Variants in GRID1 observed in about 807,000 individuals in gnomAD.
GRID1 encodes glutamate receptor ionotropic, delta-1.
Under a neutral mutation model 98.0 loss-of-function variants are expected in GRID1, and 28 were observed. That is an observed-to-expected ratio of 0.29 (90% CI 0.21 to 0.39). The LOEUF is 0.39. Among genes scored for constraint, GRID1 ranks in the 10% least tolerant of loss-of-function variants. The pLI is 1.00. For missense variants in GRID1, 1,111 were observed against 1,340.5 expected (o/e 0.83, Z 2.67); for synonymous variants, 553 against 538.5 (o/e 1.03, Z -0.37).
At chr10:86,059,922 C>T (rs916840569) in intron 4 of GRID1, among the ~76,000 whole-genome samples, 1 of 152,050 alleles carries the variant, frequency 6.6e-6, no homozygotes, top group Admixed American at 6.5e-5. Flanking sequence ...ATTATGCAAA[C>T]GAGTATACGT....
At chr10:85,845,144 A>G (rs1842994502) in intron 8 of GRID1, among the ~76,000 whole-genome samples, 3 of 152,084 alleles carry the variant, frequency 2.0e-5, no homozygotes, top group Admixed American at 6.5e-5. Context: ...ATGCAAATAT[A>G]GAAGTTTTAT....
chr10:86,237,384 C>T (rs1053944516), intron 2 of GRID1, among the ~76,000 whole-genome samples: 6 of 152,122 alleles, frequency 3.9e-5, no homozygotes, highest in African/African-American at 7.2e-5. Context: ...AGTGAATTTT[C>T]GGAAGATCGG....
At chr10:86,139,203 C>T (rs1589384948) in intron 3 of GRID1, among the ~76,000 whole-genome samples, 179 bp from the exon 4 acceptor site, 1 of 152,320 alleles carries the variant, frequency 6.6e-6, no homozygotes, top group East Asian at 1.9e-4. Flanking sequence ...GACCCAGCAG[C>T]GTTCACCAGT....
intron 2 of GRID1, among the ~76,000 whole-genome samples, chr10:86,319,546 G>A (rs371650426): frequency 4.6e-5 from 7 of 151,454 alleles, no homozygotes; most frequent in African/African-American, 9.7e-5. Flanking sequence ...CCCAGGCCCC[G>A]GGAAAACTCC....
chr10:85,902,612 G>A (rs1048850465), intron 5 of GRID1, among the ~76,000 whole-genome samples: 2 of 152,218 alleles, frequency 1.3e-5, no homozygotes, highest in Non-Finnish European at 2.9e-5. Flanking sequence ...TGCTGGGAGT[G>A]AGAGGGAAGA....
chr10:86,141,797 A>G (rs1171251653), intron 3 of GRID1, among the ~76,000 whole-genome samples: 1 of 152,228 alleles, frequency 6.6e-6, no homozygotes, highest in African/African-American at 2.4e-5. Context: ...ATCATCACAG[A>G]AAGTCCTATT....
chr10:85,671,348 G>A (rs924955776), intron 12 of GRID1, among the ~76,000 whole-genome samples: 5 of 152,050 alleles, frequency 3.3e-5, no homozygotes, highest in African/African-American at 1.2e-4. Context: ...TCACATTTTG[G>A]TAATTCTCAC....
At chr10:86,274,343 G>A (rs924431136) in intron 2 of GRID1, among the ~76,000 whole-genome samples, 39 of 152,190 alleles carry the variant, frequency 2.6e-4, no homozygotes, top group Admixed American at 1.4e-3. Context: ...GTCAGATAGC[G>A]TGATGCCTCC....
intron 2 of GRID1, among the ~76,000 whole-genome samples, chr10:86,325,199 C>CTAA (rs1466100052): frequency 2.0e-5 from 3 of 152,108 alleles, no homozygotes; most frequent in African/African-American, 7.2e-5. Flanking sequence ...ATACGTTTAC[C>CTAA]TAACAATATT....
In GRID1 at chr10:85,912,032, G is replaced by A. The variant is rs114528935; in HGVS notation, c.780+4154C>T. 8.7e-3 allele frequency among the ~76,000 whole-genome samples: 1,324 copies of A among 152,306 alleles called. 20 individuals carry two copies. The highest frequency in any genetic ancestry group is 0.03 in the African/African-American group (1,230 of 41,570). On this transcript the variant is annotated intron_variant, in intron 5 of 15. Coordinates refer to ENST00000327946, the MANE Select transcript of GRID1 (RefSeq NM_017551.3). ...TTTTCTCTGAGGCAGACAGGGAAAT[G>A]CTTGTCAATGCAATTTGCTCTACAC...
At chr10:86,252,128 C>G (rs1846845521) in intron 2 of GRID1, among the ~76,000 whole-genome samples, 1 of 152,222 alleles carries the variant, frequency 6.6e-6, no homozygotes, top group African/African-American at 2.4e-5. Context: ...CCAGCTGACC[C>G]ACGGCCCTAG....
chr10:85,625,853 G>A (rs1665843706), intron 13 of GRID1, among the ~76,000 whole-genome samples: 1 of 152,224 alleles, frequency 6.6e-6, no homozygotes, highest in African/African-American at 2.4e-5. Flanking sequence ...CACACTGGCA[G>A]TAAAATGAGA....
At chr10:85,619,324 A>C (rs1912276) in intron 14 of GRID1, among the ~76,000 whole-genome samples, 24,285 of 152,206 alleles carry the variant, frequency 0.16, 2,215 homozygotes, top group African/African-American at 0.23. Context: ...GAGGCCCCAT[A>C]CAGCCACGTG....
rs77760732 is a variant in GRID1 at position 85,914,631 on chromosome 10, C to T, written c.780+1555G>A. Among the ~76,000 whole-genome samples, 427 of 152,226 alleles carry T rather than the reference C, an allele frequency of 2.8e-3. 4 individuals carry two copies. The highest frequency in any genetic ancestry group is 9.7e-3 in the African/African-American group (404 of 41,538). On this transcript the variant is annotated intron_variant, in intron 5 of 15. Transcript: ENST00000327946. The stretch of plus-strand genomic sequence containing the variant: ...ATGTGAATTCATGGAGGAAAATCTA[C>T]GAAAAGTGGACTTTGCAAGTAGTTA...
At chr10:85,699,219 A>AT (rs1465760043) in intron 12 of GRID1, among the ~76,000 whole-genome samples, 4 of 151,818 alleles carry the variant, frequency 2.6e-5, no homozygotes, top group Non-Finnish European at 5.9e-5. Context: ...CACCTGGCTA[A>AT]TTTTTGTATT....
intron 2 of GRID1, among the ~76,000 whole-genome samples, chr10:86,220,040 C>A (rs1294275852): frequency 2.0e-5 from 3 of 152,222 alleles, no homozygotes; most frequent in Admixed American, 2.0e-4. Flanking sequence ...AAGAACAAGT[C>A]ATGGCACCTG....
chr10:85,984,642 A>G (rs1407544371), intron 4 of GRID1, among the ~76,000 whole-genome samples: 1 of 152,204 alleles, frequency 6.6e-6, no homozygotes, highest in African/African-American at 2.4e-5. Context: ...GGAAAGAAAC[A>G]TCAGAGCAAA....
chr10:85,853,891 A>C (rs1843084357), intron 8 of GRID1, among the ~76,000 whole-genome samples: 1 of 152,186 alleles, frequency 6.6e-6, no homozygotes, highest in Non-Finnish European at 1.5e-5. Context: ...CACCCATAAG[A>C]GGTGGAAGAA....
intron 4 of GRID1, among the ~76,000 whole-genome samples, chr10:86,048,152 C>T (rs536651367): frequency 1.6e-4 from 25 of 152,118 alleles, no homozygotes; most frequent in Admixed American, 7.9e-4. Context: ...TTTTGAGGTT[C>T]CAGGATCAGA....
Sources: gnomAD v4.1 joint callset for allele counts (sites outside exome capture counted in the v4.1 genomes callset) on GRCh38, gnomAD v4.1.1 for gene constraint, MANE v1.5 for transcripts, NCBI Gene and HGNC (gene_info 2026-07-23, HGNC 2026-07-21) for gene names.